Variants in SLC4A4 observed in about 807,000 individuals in gnomAD.
SLC4A4 encodes solute carrier family 4 member 4, also known as electrogenic sodium bicarbonate cotransporter 1.
In SLC4A4, 27 loss-of-function variants were observed where a neutral mutation model predicts 111.5. The ratio of observed to expected loss-of-function variants is 0.24; its 90% CI spans 0.18 to 0.33. SLC4A4 has a LOEUF of 0.33. Ranked by LOEUF, SLC4A4 falls within the 10% of genes least tolerant of loss-of-function variation. SLC4A4 has a pLI of 1.00. For synonymous variants in SLC4A4, 443 were observed against 463.4 expected (o/e 0.96, Z 0.57); for missense variants, 909 against 1,315.5 (o/e 0.69, Z 4.78).
chr4:71,407,348 A>G (rs1720956219), intron 7 of SLC4A4, among the ~76,000 whole-genome samples: 1 of 152,200 alleles, frequency 6.6e-6, no homozygotes, highest in Non-Finnish European at 1.5e-5. Context: ...TCATTGGTGA[A>G]GGTCAGTGAA....
intron 2 of SLC4A4, among the ~76,000 whole-genome samples, chr4:71,121,869 C>T (rs1743438756): frequency 6.6e-6 from 1 of 152,142 alleles, no homozygotes; most frequent in South Asian, 2.1e-4. Context: ...AGCTGTAACA[C>T]TCACAACGAA....
At chr4:71,314,972 A>G (rs1033553412) in intron 3 of SLC4A4, among the ~76,000 whole-genome samples, 1 of 152,154 alleles carries the variant, frequency 6.6e-6, no homozygotes, top group East Asian at 1.9e-4. Context: ...CAATAACCTG[A>G]TAGAATTACA....
intron 7 of SLC4A4, among the ~76,000 whole-genome samples, chr4:71,428,128 G>T (rs1723312406): frequency 6.6e-6 from 1 of 152,144 alleles, no homozygotes; most frequent in Non-Finnish European, 1.5e-5. Flanking sequence ...CTGGTAAGGT[G>T]AGAGAACACT....
chr4:71,381,751 G>A (rs921300289), intron 6 of SLC4A4, among the ~76,000 whole-genome samples: 1 of 152,024 alleles, frequency 6.6e-6, no homozygotes, highest in African/African-American at 2.4e-5. Flanking sequence ...ACGTCTCGCT[G>A]TGTCACCCAG....
chr4:71,344,164 T>C (rs1252552351), intron 4 of SLC4A4, among the ~76,000 whole-genome samples: 1 of 152,168 alleles, frequency 6.6e-6, no homozygotes, highest in Non-Finnish European at 1.5e-5. Context: ...TTTGCCACTG[T>C]ATTCCTAGTG....
intron 6 of SLC4A4, among the ~76,000 whole-genome samples, chr4:71,375,239 G>C (rs970806852): frequency 6.6e-6 from 1 of 152,196 alleles, no homozygotes; most frequent in Admixed American, 6.5e-5. Context: ...ATGTGGAAGT[G>C]TTCAGTGGTA....
At position 71,103,350 on chromosome 4, in the gene SLC4A4, T is replaced by A. The variant is rs577046162; in HGVS notation, c.-2+10558T>A. Reference sequence around the variant, plus strand: ...GACTTTAACATCCCACTGTCAACATTAGACAGATCAACGAGACAGAAAGTC... The same window carrying A: ...GACTTTAACATCCCACTGTCAACATAAGACAGATCAACGAGACAGAAAGTC... On this transcript the variant is annotated intron_variant, in intron 2 of 26. Transcript: ENST00000649996. Among the ~76,000 whole-genome samples, 1,128 of 152,184 alleles carry A rather than the reference T, an allele frequency of 7.4e-3. 11 individuals carry two copies. Among genetic ancestry groups the A allele is most frequent in the Middle Eastern group, 0.014 (4 of 294 alleles).
At chr4:71,298,475 G>A (rs1724978695) in intron 3 of SLC4A4, among the ~76,000 whole-genome samples, 1 of 152,160 alleles carries the variant, frequency 6.6e-6, no homozygotes, top group South Asian at 2.1e-4. Flanking sequence ...AGTACTTATT[G>A]ATGCTTAAAA....
At chr4:71,369,010 T>C (rs1731595859) in intron 6 of SLC4A4, among the ~76,000 whole-genome samples, 1 of 152,160 alleles carries the variant, frequency 6.6e-6, no homozygotes, top group Admixed American at 6.5e-5. Flanking sequence ...TGTGTCCTCC[T>C]CCTCCTCCTG....
intron 7 of SLC4A4, among the ~76,000 whole-genome samples, chr4:71,420,002 G>A (rs1450021122): frequency 2.0e-5 from 3 of 152,216 alleles, no homozygotes; most frequent in East Asian, 1.9e-4. Flanking sequence ...TGACTTTGAC[G>A]AGTTGAGAGA....
chr4:71,448,675 A>T (rs553927651), intron 9 of SLC4A4, among the ~76,000 whole-genome samples: 1 of 152,304 alleles, frequency 6.6e-6, no homozygotes, highest in East Asian at 1.9e-4. Flanking sequence ...AACTATTCCC[A>T]TAGGAGGAGA....
At chr4:71,228,877 T>G (rs757752362) in intron 1 of SLC4A4, among the ~76,000 whole-genome samples, 14 of 152,248 alleles carry the variant, frequency 9.2e-5, no homozygotes, top group Admixed American at 2.0e-4. Flanking sequence ...ATATTGGCAC[T>G]GATACAATTC....
intron 1 of SLC4A4, among the ~76,000 whole-genome samples, chr4:71,068,784 C>T (rs1011160799): frequency 6.6e-6 from 1 of 151,976 alleles, no homozygotes. Flanking sequence ...CCAGGCTGGC[C>T]TCAAATTCCT....
intron 2 of SLC4A4, among the ~76,000 whole-genome samples, chr4:71,098,391 G>A (rs115085714): frequency 9.2e-5 from 14 of 152,250 alleles, no homozygotes; most frequent in South Asian, 4.1e-4. Flanking sequence ...CTACATGTCT[G>A]TTTTTGTGTC....
At chr4:71,457,660 G>T (rs975019181) in intron 12 of SLC4A4, among the ~76,000 whole-genome samples, 2 of 151,924 alleles carry the variant, frequency 1.3e-5, no homozygotes, top group Non-Finnish European at 2.9e-5. Flanking sequence ...TTGCCATATT[G>T]TCAGGTAAAC....
At chr4:71,160,462 A>T (rs1473122706) in intron 2 of SLC4A4, among the ~76,000 whole-genome samples, 1 of 152,130 alleles carries the variant, frequency 6.6e-6, no homozygotes, top group African/African-American at 2.4e-5. Flanking sequence ...CTCATGTGGA[A>T]CGCTTTCATT....
At chr4:71,242,802 C>T (rs979887411) in intron 2 of SLC4A4, among the ~76,000 whole-genome samples, 11 of 151,684 alleles carry the variant, frequency 7.3e-5, no homozygotes, top group African/African-American at 7.3e-5. Flanking sequence ...TTCTACAAAT[C>T]GTAACTGGTG....
intron 24 of SLC4A4, 115 bp downstream of exon 24, chr4:71,564,004 T>A: frequency 2.7e-6 from 2 of 738,900 alleles, no homozygotes; most frequent in Non-Finnish European, 4.9e-6. Context: ...TTCCTTTTTC[T>A]ATGAGAAGAT....
chr4:71,147,413 T>C (rs1321430121), intron 2 of SLC4A4, among the ~76,000 whole-genome samples: 2 of 152,084 alleles, frequency 1.3e-5, no homozygotes, highest in Non-Finnish European at 2.9e-5. Context: ...TGATGGTCAG[T>C]GAGTAATAGG....
Sources: gnomAD v4.1 joint callset for allele counts (sites outside exome capture counted in the v4.1 genomes callset) on GRCh38, gnomAD v4.1.1 for gene constraint, MANE v1.5 for transcripts, NCBI Gene and HGNC (gene_info 2026-07-23, HGNC 2026-07-21) for gene names.